The following PRKCA variants were observed in gnomAD, a reference collection of about 807,000 sequenced individuals.
The protein encoded by PRKCA is protein kinase C alpha type.
In PRKCA, 27 loss-of-function variants were observed where a neutral mutation model predicts 87.0. The observed-to-expected ratio is 0.31, with a 90% CI of 0.23 to 0.43. The LOEUF (loss-of-function observed/expected upper bound fraction) is 0.43. PRKCA is among the 20% of genes least tolerant of loss of function. PRKCA has a pLI of 1.00. For synonymous variants in PRKCA, 329 were observed against 311.1 expected (o/e 1.06, Z -0.61); for missense variants, 518 against 852.3 (o/e 0.61, Z 4.88).
At chr17:66,714,763 G>C (rs755303364) in intron 8 of PRKCA, among the ~76,000 whole-genome samples, 9 of 152,248 alleles carry the variant, frequency 5.9e-5, no homozygotes, top group Non-Finnish European at 1.2e-4. Context: ...TGCCTTTACT[G>C]GTGTCCCAGA....
intron 3 of PRKCA, among the ~76,000 whole-genome samples, chr17:66,517,197 T>C (rs1377734540): frequency 6.6e-6 from 1 of 152,050 alleles, no homozygotes; most frequent in African/African-American, 2.4e-5. Flanking sequence ...GGCAGGAGAA[T>C]CACTTGAACC....
intron 8 of PRKCA, among the ~76,000 whole-genome samples, chr17:66,716,385 C>T (rs2144143786): frequency 6.6e-6 from 1 of 152,226 alleles, no homozygotes; most frequent in Admixed American, 6.5e-5. Flanking sequence ...TATGTCATGG[C>T]TGTTGCAGTG....
intron 2 of PRKCA, chr17:66,398,060 G>A (rs1052214088): frequency 1.3e-5 from 2 of 152,098 alleles, no homozygotes; most frequent in Admixed American, 6.5e-5. Context: ...CAATGTACAT[G>A]GCAAATGCTA....
intron 11 of PRKCA, among the ~76,000 whole-genome samples, chr17:66,739,791 G>C (rs1462898050): frequency 2.0e-5 from 3 of 152,186 alleles, no homozygotes; most frequent in Non-Finnish European, 4.4e-5. Context: ...GTGGTAGGTG[G>C]GGCTCTGGGT....
At chr17:66,762,893 C>T (rs537908500) in intron 13 of PRKCA, among the ~76,000 whole-genome samples, 16 of 152,318 alleles carry the variant, frequency 1.1e-4, no homozygotes, top group Middle Eastern at 3.4e-3. Context: ...CGGGTTCAAG[C>T]GATTCTCCTG....
chr17:66,680,054 G>A (rs1047424870), intron 5 of PRKCA, among the ~76,000 whole-genome samples: 1 of 152,162 alleles, frequency 6.6e-6, no homozygotes, highest in Non-Finnish European at 1.5e-5. Context: ...TCAAAGACAA[G>A]GCTCATGGGT....
intron 2 of PRKCA, among the ~76,000 whole-genome samples, chr17:66,483,150 A>G (rs1355390749): frequency 6.6e-6 from 1 of 152,192 alleles, no homozygotes; most frequent in Non-Finnish European, 1.5e-5. Context: ...TTGCTTTCCA[A>G]AAACCACCTT....
At chr17:66,458,260 C>G (rs965643527) in intron 2 of PRKCA, among the ~76,000 whole-genome samples, 1 of 152,136 alleles carries the variant, frequency 6.6e-6, no homozygotes. Flanking sequence ...CTTGTAGTTG[C>G]TATGTCAATT....
At chr17:66,373,028 C>T (rs1191295713) in intron 2 of PRKCA, among the ~76,000 whole-genome samples, 1 of 152,066 alleles carries the variant, frequency 6.6e-6, no homozygotes, top group Non-Finnish European at 1.5e-5. Flanking sequence ...CACTGCACTC[C>T]AGCCTGGGTG....
At chr17:66,654,732 G>A (rs192848483) in intron 5 of PRKCA, among the ~76,000 whole-genome samples, 42 of 152,352 alleles carry the variant, frequency 2.8e-4, no homozygotes, top group Middle Eastern at 3.4e-3. Flanking sequence ...ACCACTGGGG[G>A]TGAGGGTCTG....
At chr17:66,537,643 A>G (rs1413592624) in intron 3 of PRKCA, among the ~76,000 whole-genome samples, 3 of 152,226 alleles carry the variant, frequency 2.0e-5, no homozygotes, top group East Asian at 1.9e-4. Context: ...AAGACTTGTC[A>G]TCTTCCCATC....
At chr17:66,657,325 AAG>A (rs1971762135) in intron 5 of PRKCA, among the ~76,000 whole-genome samples, 1 of 152,198 alleles carries the variant, frequency 6.6e-6, no homozygotes, top group Non-Finnish European at 1.5e-5. Context: ...TAGAATAAAG[AAG>A]AGAGAATAGA....
At chr17:66,707,314 C>T (rs1973217877) in intron 8 of PRKCA, among the ~76,000 whole-genome samples, 2 of 152,218 alleles carry the variant, frequency 1.3e-5, no homozygotes, top group South Asian at 4.1e-4. Context: ...GTGTCACCTT[C>T]CTGATTCCAG....
At chr17:66,798,458 G>A (rs1301295513) in intron 16 of PRKCA, among the ~76,000 whole-genome samples, 2 of 51,102 alleles carry the variant, frequency 3.9e-5, no homozygotes, top group African/African-American at 9.6e-5. Context: ...GGTGACGGTG[G>A]TGGTGGTGGT....
At chr17:66,574,759 T>C (rs991293284) in intron 3 of PRKCA, among the ~76,000 whole-genome samples, 4 of 151,968 alleles carry the variant, frequency 2.6e-5, no homozygotes, top group Non-Finnish European at 5.9e-5. Context: ...CAAGCACTTC[T>C]GGTCCCAAGC....
At chr17:66,447,382 G>T (rs1402437700) in intron 2 of PRKCA, among the ~76,000 whole-genome samples, 1 of 152,146 alleles carries the variant, frequency 6.6e-6, no homozygotes, top group Non-Finnish European at 1.5e-5. Context: ...GACTCATGGG[G>T]AGTCCTCTTG....
intron 16 of PRKCA, among the ~76,000 whole-genome samples, chr17:66,793,747 G>A (rs1287786053): frequency 6.6e-6 from 1 of 152,160 alleles, no homozygotes; most frequent in South Asian, 2.1e-4. Flanking sequence ...TCAGGTGAGC[G>A]TGGAGGCACT....
At chr17:66,743,011 T>G (rs1304074709) in intron 13 of PRKCA, among the ~76,000 whole-genome samples, 1 of 152,194 alleles carries the variant, frequency 6.6e-6, no homozygotes, top group East Asian at 1.9e-4. Flanking sequence ...ATGTATTTGT[T>G]ACATGGTCAT....
intron 3 of PRKCA, among the ~76,000 whole-genome samples, chr17:66,626,171 C>G (rs1970847746): frequency 6.6e-6 from 1 of 151,446 alleles, no homozygotes; most frequent in Non-Finnish European, 1.5e-5. Context: ...GTTATATTTC[C>G]TTTTTTCTTT....
Sources: gnomAD v4.1 joint callset for allele counts (sites outside exome capture counted in the v4.1 genomes callset) on GRCh38, gnomAD v4.1.1 for gene constraint, MANE v1.5 for transcripts, NCBI Gene and HGNC (gene_info 2026-07-23, HGNC 2026-07-21) for gene names.